The following FAM185A variants were observed in gnomAD, a reference collection of about 807,000 sequenced individuals.
The protein encoded by FAM185A is protein FAM185A.
A neutral mutation model predicts 45.7 loss-of-function variants in FAM185A; 21 were observed. The ratio of observed to expected loss-of-function variants is 0.46; its 90% CI spans 0.33 to 0.66. The LOEUF is 0.66. Among genes scored for constraint, FAM185A ranks in the 30% least tolerant of loss-of-function variants. The pLI is 0.03. For synonymous variants in FAM185A, 117 were observed against 194.0 expected, an observed-to-expected ratio of 0.60 and a Z score of 3.30; for missense variants, 305 against 485.4, an observed-to-expected ratio of 0.63 and a Z score of 3.49.
intron 3 of FAM185A, among the ~76,000 whole-genome samples, chr7:102,759,686 T>G (rs1162406271): frequency 6.6e-6 from 1 of 152,124 alleles, no homozygotes; most frequent in African/African-American, 2.4e-5. Context: ...ACAAATTACT[T>G]AACCTCTGTG....
the FAM185A span, among the ~76,000 whole-genome samples, chr7:102,849,543 A>G: frequency 1.3e-5 from 2 of 152,214 alleles, no homozygotes; most frequent in Non-Finnish European, 2.9e-5. Flanking sequence ...TCCTATAGTT[A>G]CCTTATCTAA....
the FAM185A span, chr7:102,832,703 A>G: frequency 2.8e-6 from 3 of 1,062,946 alleles, no homozygotes; most frequent in Non-Finnish European, 3.8e-6. Flanking sequence ...CAATTTGAGG[A>G]TAGAAGAAAA....
chr7:102,788,142 T>C (rs1795931771), intron 7 of FAM185A, among the ~76,000 whole-genome samples: 2 of 152,070 alleles, frequency 1.3e-5, no homozygotes, highest in South Asian at 4.1e-4. Context: ...TTTTTTTTTG[T>C]ATTTGTAATA....
intron 4 of FAM185A, among the ~76,000 whole-genome samples, chr7:102,765,408 T>C (rs1456054845): frequency 6.6e-6 from 1 of 152,100 alleles, no homozygotes; most frequent in Admixed American, 6.5e-5. Context: ...GGTGCTGTCT[T>C]AAGTGTGTGG....
At chr7:102,831,095 C>T in the FAM185A span, among the ~76,000 whole-genome samples, 18 of 152,246 alleles carry the variant, frequency 1.2e-4, no homozygotes, top group African/African-American at 4.3e-4. Flanking sequence ...TTGGGCTAGT[C>T]AGGGTTCCCA....
chr7:102,749,013 C>T lies in FAM185A; in HGVS notation c.-195C>T. 2.3e-6 allele frequency: 2 copies of T among 884,470 alleles called. No individual in the cohort carries two copies. The highest frequency in any genetic ancestry group is 2.8e-5 in the South Asian group (2 of 70,184). The allele number at this position is 884,470 out of a possible 1,614,324, so 54.8% of individuals were successfully genotyped here. A position where few individuals can be genotyped will look rare whatever the true frequency, so the allele number is the denominator to read the frequency against. ...GGTCAGAGTTTAGAGCTTTCAAATC[C>T]CAACTTGCCCCTGGGGATTGCGCGG... On this transcript the variant is annotated 5_prime_UTR_variant, in exon 1 of 8. Transcript: ENST00000413034.
At chr7:102,836,714 A>G in the FAM185A span, among the ~76,000 whole-genome samples, 1 of 152,200 alleles carries the variant, frequency 6.6e-6, no homozygotes, top group Non-Finnish European at 1.5e-5. Context: ...TTCTGAGCTG[A>G]GTCACAGTGT....
intron 7 of FAM185A, among the ~76,000 whole-genome samples, chr7:102,791,942 A>G (rs1272636009): frequency 6.6e-6 from 1 of 152,156 alleles, no homozygotes; most frequent in Non-Finnish European, 1.5e-5. Flanking sequence ...ATCTGAAACC[A>G]AATTTTGGAA....
At chr7:102,765,487 T>C (rs1381369499) in intron 4 of FAM185A, among the ~76,000 whole-genome samples, 3 of 151,778 alleles carry the variant, frequency 2.0e-5, no homozygotes, top group South Asian at 2.1e-4. Context: ...TCAATATTTT[T>C]ATATACCCTG....
At chr7:102,769,287 T>C (rs905434892) in intron 4 of FAM185A, among the ~76,000 whole-genome samples, 2 of 151,742 alleles carry the variant, frequency 1.3e-5, no homozygotes, top group African/African-American at 4.8e-5. Flanking sequence ...TGAGACTCTA[T>C]AGGTCCCACT....
At chr7:102,824,489 CTCTTTTTTTCTT>C in the FAM185A span, among the ~76,000 whole-genome samples, 1 of 151,820 alleles carries the variant, frequency 6.6e-6, no homozygotes, top group Non-Finnish European at 1.5e-5. Context: ...ATTTTGCATC[CTCTTTTTTTCTT>C]TCTTTTTTTT....
chr7:102,786,082 G>T (rs1345851021), intron 6 of FAM185A, among the ~76,000 whole-genome samples: 1 of 152,100 alleles, frequency 6.6e-6, no homozygotes, highest in Non-Finnish European at 1.5e-5. Flanking sequence ...ATGAAAAAAT[G>T]CTCATCATCA....
chr7:102,836,880 G>A, the FAM185A span, among the ~76,000 whole-genome samples: 2 of 152,232 alleles, frequency 1.3e-5, no homozygotes, highest in Admixed American at 1.3e-4. Context: ...CTCACTTCGT[G>A]TTGCATACTC....
the FAM185A span, among the ~76,000 whole-genome samples, chr7:102,834,195 AATT>A: frequency 2.0e-5 from 3 of 150,948 alleles, no homozygotes; most frequent in African/African-American, 4.8e-5. Context: ...AAAATGTGAG[AATT>A]ATTATAATTA....
At chr7:102,832,405 G>C in the FAM185A span, among the ~76,000 whole-genome samples, 6 of 152,294 alleles carry the variant, frequency 3.9e-5, no homozygotes, top group Non-Finnish European at 7.4e-5. Flanking sequence ...GTCCAGGAAA[G>C]ATGCAAATTA....
the FAM185A span, chr7:102,822,057 G>T: frequency 6.2e-7 from 1 of 1,614,186 alleles, no homozygotes; most frequent in Non-Finnish European, 8.5e-7. Context: ...TATTTGTGCA[G>T]TATTGCATCT....
intron 6 of FAM185A, among the ~76,000 whole-genome samples, chr7:102,782,696 A>C (rs919106345): frequency 1.2e-4 from 19 of 152,324 alleles, no homozygotes; most frequent in Middle Eastern, 3.4e-3. Context: ...CTGCAAAAAC[A>C]TGCCAAATTG....
At chr7:102,778,672 A>ATC (rs1399498014) in intron 6 of FAM185A, among the ~76,000 whole-genome samples, 5 of 152,292 alleles carry the variant, frequency 3.3e-5, no homozygotes, top group Admixed American at 2.6e-4. Flanking sequence ...TTGATGTTGC[A>ATC]AAATTTGATT....
chr7:102,829,450 C>T, the FAM185A span, among the ~76,000 whole-genome samples: 1 of 152,188 alleles, frequency 6.6e-6, no homozygotes, highest in South Asian at 2.1e-4. Context: ...ATTGCAGAGA[C>T]ATTTTGTCAT....
Sources: gnomAD v4.1 joint callset for allele counts (sites outside exome capture counted in the v4.1 genomes callset) on GRCh38, gnomAD v4.1.1 for gene constraint, MANE v1.5 for transcripts, NCBI Gene and HGNC (gene_info 2026-07-23, HGNC 2026-07-21) for gene names.